Variants in CCBE1 observed in about 807,000 individuals in gnomAD.
The protein encoded by CCBE1 is collagen and calcium-binding EGF domain-containing protein 1.
CCBE1 carries 37 observed loss-of-function variants against 50.0 expected under a neutral mutation model. The observed-to-expected ratio is 0.74, with a 90% CI of 0.57 to 0.97. The LOEUF is 0.97. Among genes scored for constraint, CCBE1 ranks in the 50% least tolerant of loss-of-function variants. The pLI, the probability that CCBE1 is intolerant of heterozygous loss-of-function variation, is 0.00. For synonymous variants in CCBE1, 234 were observed against 203.7 expected, an observed-to-expected ratio of 1.15 and a Z score of -1.27; for missense variants, 538 against 523.8, an observed-to-expected ratio of 1.03 and a Z score of -0.26.
chr18:59,526,469 C>G (rs1340895602), intron 2 of CCBE1, among the ~76,000 whole-genome samples: 2 of 152,060 alleles, frequency 1.3e-5, no homozygotes, highest in African/African-American at 4.8e-5. Context: ...ACCACTATGC[C>G]TAGCTAATTT....
intron 2 of CCBE1, among the ~76,000 whole-genome samples, chr18:59,514,153 T>C (rs1914259267): frequency 6.6e-6 from 1 of 152,200 alleles, no homozygotes; most frequent in South Asian, 2.1e-4. Context: ...TCTGCATCTT[T>C]TACATAGCAA....
intron 2 of CCBE1, among the ~76,000 whole-genome samples, chr18:59,601,290 G>A (rs112370630): frequency 0.014 from 2,124 of 152,006 alleles, 50 homozygotes; most frequent in African/African-American, 0.048. Flanking sequence ...TAATCCCCAC[G>A]TGTCATGGGA....
At chr18:59,514,505 G>T (rs914269575) in intron 2 of CCBE1, among the ~76,000 whole-genome samples, 1 of 151,998 alleles carries the variant, frequency 6.6e-6, no homozygotes. Context: ...TGACATTTTC[G>T]GCTGGCCCAG....
rs571390055 is a variant in CCBE1, at chr18:59,555,545, G to GA, written c.213-75308dup. On this transcript the variant is annotated intron_variant, in intron 2 of 10. Transcript: ENST00000439986. ...TGAAGAAAGCCATGCAGTTTCCTTAGAAAAAAATGGTTATGGAGATATTAT... is the reference window on the plus strand; with the variant it reads ...TGAAGAAAGCCATGCAGTTTCCTTAGAAAAAAAATGGTTATGGAGATATTAT... 1.4e-4 allele frequency among the ~76,000 whole-genome samples: 21 copies of GA among 152,216 alleles called. No individual in the cohort carries two copies. In the South Asian group the frequency reaches 2.3e-3, roughly 17 times the overall value.
intron 2 of CCBE1, among the ~76,000 whole-genome samples, chr18:59,524,203 C>G (rs1469223548): frequency 6.6e-6 from 1 of 152,044 alleles, no homozygotes; most frequent in African/African-American, 2.4e-5. Context: ...GCCCGTAATC[C>G]CAGTTACTAG....
In CCBE1 at chr18:59,697,288, T is replaced by C. The variant is rs1207608702; in HGVS notation, c.55A>G (p.Ser19Gly). ...GGAARGQLGR[S>G]LGPLLLLLAL... Reference sequence around the variant, plus strand: ...AGGAGCAGCAGCAGCGGACCCAGGCTCCTGCCCAGCTGGCCCCTGGCAGCT... The same window carrying C: ...AGGAGCAGCAGCAGCGGACCCAGGCCCCTGCCCAGCTGGCCCCTGGCAGCT... Residue 19 changes from serine (S) to glycine (G), a missense_variant, in exon 1 of 11, where the codon AGC (serine) becomes GGC (glycine). Coordinates refer to ENST00000439986, the MANE Select transcript of CCBE1 (RefSeq NM_133459.4). 2 of 1,549,016 alleles carry C rather than the reference T, an allele frequency of 1.3e-6. No homozygotes were observed. The highest frequency in any genetic ancestry group is 1.2e-5 in the South Asian group (1 of 84,022).
chr18:59,567,621 T>A (rs1439852873), intron 2 of CCBE1, among the ~76,000 whole-genome samples: 1 of 152,188 alleles, frequency 6.6e-6, no homozygotes, highest in Non-Finnish European at 1.5e-5. Flanking sequence ...AGCAATTCTA[T>A]CAGTGACCCA....
intron 2 of CCBE1, among the ~76,000 whole-genome samples, chr18:59,595,114 CAAAA>C (rs546035209): frequency 0.031 from 2,300 of 73,570 alleles, 94 homozygotes; most frequent in African/African-American, 0.098. Context: ...GACTCTGTCT[CAAAA>C]AAAAAAAAAA....
intron 2 of CCBE1, among the ~76,000 whole-genome samples, chr18:59,668,056 C>A (rs1211207209): frequency 6.6e-6 from 1 of 152,066 alleles, no homozygotes; most frequent in Non-Finnish European, 1.5e-5. Flanking sequence ...CAGCAAACCA[C>A]CATGACACGT....
At chr18:59,691,594 CGG>C (rs2054734347) in intron 2 of CCBE1, among the ~76,000 whole-genome samples, 1 of 152,040 alleles carries the variant, frequency 6.6e-6, no homozygotes, top group Non-Finnish European at 1.5e-5. Context: ...TTAGTAGAGA[CGG>C]GGTTTCACCA....
At chr18:59,588,944 C>A (rs2053218283) in intron 2 of CCBE1, among the ~76,000 whole-genome samples, 1 of 152,206 alleles carries the variant, frequency 6.6e-6, no homozygotes, top group African/African-American at 2.4e-5. Context: ...CCCAGTAACC[C>A]CTTGGGTAGC....
intron 2 of CCBE1, among the ~76,000 whole-genome samples, chr18:59,569,057 G>A (rs897630208): frequency 6.6e-6 from 1 of 152,100 alleles, no homozygotes; most frequent in Non-Finnish European, 1.5e-5. Flanking sequence ...TCTGCAGAGG[G>A]GTGCATCTCG....
chr18:59,654,557 G>A (rs569548343), intron 2 of CCBE1, among the ~76,000 whole-genome samples: 10 of 152,308 alleles, frequency 6.6e-5, no homozygotes, highest in African/African-American at 1.7e-4. Context: ...CCAGGAGGCA[G>A]AGGTTGCAGT....
chr18:59,491,827 C>T (rs602490), intron 2 of CCBE1, among the ~76,000 whole-genome samples: 3 of 133,338 alleles, frequency 2.2e-5, no homozygotes, highest in Admixed American at 7.5e-5. Context: ...AACAAACAAA[C>T]AAACAAACAA....
chr18:59,610,960 A>G (rs2053561303), intron 2 of CCBE1, among the ~76,000 whole-genome samples: 1 of 152,242 alleles, frequency 6.6e-6, no homozygotes, highest in Admixed American at 6.5e-5. Flanking sequence ...GAGATGCCCC[A>G]AAGCCCATGC....
chr18:59,591,843 CA>C (rs1256638971), intron 2 of CCBE1, among the ~76,000 whole-genome samples: 1 of 152,156 alleles, frequency 6.6e-6, no homozygotes, highest in Non-Finnish European at 1.5e-5. Flanking sequence ...TGTGTGTGCA[CA>C]AGGCTATTAA....
chr18:59,672,791 T>A (rs924125974), intron 2 of CCBE1, among the ~76,000 whole-genome samples: 3 of 152,170 alleles, frequency 2.0e-5, no homozygotes, highest in African/African-American at 4.8e-5. Flanking sequence ...TAAAACTGTA[T>A]TTTATAAGTG....
At chr18:59,594,768 G>A (rs2053326185) in intron 2 of CCBE1, among the ~76,000 whole-genome samples, 1 of 152,046 alleles carries the variant, frequency 6.6e-6, no homozygotes, top group Non-Finnish European at 1.5e-5. Context: ...AGGGATGAAA[G>A]GCGGCATTCT....
intron 2 of CCBE1, among the ~76,000 whole-genome samples, chr18:59,671,820 A>AG (rs1169790838): frequency 0.01 from 1,320 of 130,064 alleles, 9 homozygotes; most frequent in African/African-American, 0.034. Flanking sequence ...GTTAAAAAAA[A>AG]AGGGGGGGGG....
Sources: gnomAD v4.1 joint callset for allele counts (sites outside exome capture counted in the v4.1 genomes callset) on GRCh38, gnomAD v4.1.1 for gene constraint, MANE v1.5 for transcripts, NCBI Gene and HGNC (gene_info 2026-07-23, HGNC 2026-07-21) for gene names.